The following ZNF585B variants were observed in gnomAD, a reference collection of about 807,000 sequenced individuals.
The protein encoded by ZNF585B is zinc finger protein 41-like protein.
A neutral mutation model predicts 14.0 loss-of-function variants in ZNF585B; 7 were observed. That is an observed-to-expected ratio of 0.50 (90% CI 0.28 to 0.94). The LOEUF is 0.94. Among genes scored for constraint, ZNF585B ranks in the 40% least tolerant of loss-of-function variants. ZNF585B has a pLI of 0.09. For missense variants in ZNF585B, 750 were observed against 924.4 expected, an observed-to-expected ratio of 0.81 and a Z score of 2.45; for synonymous variants, 290 against 317.3, an observed-to-expected ratio of 0.91 and a Z score of 0.91.
chr19:37,184,432 GAAA>G lies in ZNF585B; in HGVS notation c.*792_*794del, dbSNP rs1972300941. Reference sequence around the variant, plus strand: ...AGAAAGAAAGAGAAAGAAAGAAAAAGAAAGAAAGAAGGAAAGAAAGAAAGAAAG... The same window carrying G: ...AGAAAGAAAGAGAAAGAAAGAAAAAGGAAAGAAGGAAAGAAAGAAAGAAAG... On this transcript the variant is annotated 3_prime_UTR_variant, in exon 5 of 5. Transcript: ENST00000532828. 13 of 57,530 alleles carry G rather than the reference GAAA, an allele frequency of 2.3e-4. 1 individual carries two copies. Among genetic ancestry groups the G allele is most frequent in the African/African-American group, 9.4e-4 (11 of 11,706 alleles). 3.6% of individuals were successfully genotyped at this position (57,530 alleles called of 1,614,324 possible). A position where few individuals can be genotyped will look rare whatever the true frequency, so the allele number is the denominator to read the frequency against.
intron 2 of ZNF585B, chr19:37,199,355 T>G (rs1189060728): frequency 5.6e-6 from 2 of 356,852 alleles, no homozygotes; most frequent in Admixed American, 3.6e-5. Flanking sequence ...GGTGAAACTG[T>G]CTCTACAAAA....
intron 2 of ZNF585B, 25 bp from the exon 3 acceptor site, chr19:37,190,175 T>C (rs773495719): frequency 1.2e-6 from 2 of 1,614,034 alleles, no homozygotes; most frequent in South Asian, 1.1e-5. Flanking sequence ...TCCTGTTCAA[T>C]GTGCATAGTC....
rs1972360279 is a variant in ZNF585B at position 37,188,214 on chromosome 19, TG to T, written c.293-971del. Among the ~76,000 whole-genome samples, 2 of 152,182 alleles carry T rather than the reference TG, an allele frequency of 1.3e-5. 1 individual carries two copies. The highest frequency in any genetic ancestry group is 1.3e-4 in the Admixed American group (2 of 15,284). The stretch of plus-strand genomic sequence containing the variant: ...TGACAAAAACAAACAAGCCCGGGCA[TG>T]GTGCCTCATACCTGTAGTCCCAGCA... On this transcript the variant is annotated intron_variant, in intron 4 of 4. Transcript: ENST00000532828.
chr19:37,202,799 T>C (rs1391256720), intron 2 of ZNF585B, among the ~76,000 whole-genome samples: 3 of 152,026 alleles, frequency 2.0e-5, no homozygotes, highest in African/African-American at 7.2e-5. Flanking sequence ...TGTGCCACCA[T>C]GCCCAGTTAA....
In ZNF585B at chr19:37,189,699, C is replaced by T. The variant is rs767617306; in HGVS notation, c.254G>A (p.Trp85Ter). The T allele has an allele frequency of 1.5e-5, 24 of 1,613,634 alleles. No individual in the cohort carries two copies. Among genetic ancestry groups the T allele is most frequent in the Non-Finnish European group, 1.9e-5 (22 of 1,180,026 alleles). Residue 85 changes from tryptophan (W) to a stop codon, truncating the protein, a stop_gained, in exon 4 of 5, where the codon TGG (tryptophan) becomes TAG (stop). Transcript: ENST00000532828. LOFTEE classifies it low-confidence loss of function (END_TRUNC). ...ACGTGGCCTCTCACCCTGCAGTGCC[C>T]ATGGTTCCTTTCCTTGCTCCAACAT... ...VVMLEQGKEPWALQGERPRHS... is the reference protein window; with the variant it reads ...VVMLEQGKEP
intron 2 of ZNF585B, among the ~76,000 whole-genome samples, chr19:37,206,395 G>A (rs1440012562): frequency 2.0e-5 from 3 of 150,960 alleles, no homozygotes; most frequent in Non-Finnish European, 4.4e-5. Flanking sequence ...AGGTTGCAGT[G>A]AGCCGAGATC....
rs1972595867 is a variant in ZNF585B at position 37,207,202 on chromosome 19, C to G, written c.-91G>C. On this transcript the variant is annotated 5_prime_UTR_variant, in exon 2 of 5. Transcript: ENST00000532828. ...AGCAGAGCTGCTCCGAAGAGGTGGGCTGGAGTCTGGAGGAAGGTCTGGCCC... is the reference window on the plus strand; with the variant it reads ...AGCAGAGCTGCTCCGAAGAGGTGGGGTGGAGTCTGGAGGAAGGTCTGGCCC... 2 of 1,575,632 alleles carry G rather than the reference C, an allele frequency of 1.3e-6. No individual in the cohort carries two copies. Among genetic ancestry groups the G allele is most frequent in the Non-Finnish European group, 1.7e-6 (2 of 1,163,402 alleles).
chr19:37,205,527 A>C (rs900260528), intron 2 of ZNF585B, among the ~76,000 whole-genome samples: 3 of 152,228 alleles, frequency 2.0e-5, no homozygotes, highest in Non-Finnish European at 2.9e-5. Context: ...AAGAGAAAAA[A>C]ATTGTAGTTG....
intron 2 of ZNF585B, among the ~76,000 whole-genome samples, chr19:37,198,432 A>C (rs1255850770): frequency 6.6e-6 from 1 of 152,050 alleles, no homozygotes; most frequent in Non-Finnish European, 1.5e-5. Context: ...TCAGCTTCTC[A>C]AAGTGCTGGG....
At chr19:37,206,005 G>A (rs1345421270) in intron 2 of ZNF585B, among the ~76,000 whole-genome samples, 1 of 151,970 alleles carries the variant, frequency 6.6e-6, no homozygotes, top group Admixed American at 6.6e-5. Flanking sequence ...GCTTGAACCT[G>A]GATGGCAGAG....
At chr19:37,206,451 C>CAA (rs777306567) in intron 2 of ZNF585B, among the ~76,000 whole-genome samples, 3 of 83,946 alleles carry the variant, frequency 3.6e-5, no homozygotes, top group Non-Finnish European at 5.1e-5. Context: ...AACTCTGTTT[C>CAA]AAAAAAAAAA....
rs1972595685 is a variant in ZNF585B at position 37,207,182 on chromosome 19, A to G, written c.-71T>C. ...TAGTGGTCATCTGTGAACTCAGCAG[A>G]GCTGCTCCGAAGAGGTGGGCTGGAG... On this transcript the variant is annotated 5_prime_UTR_variant, in exon 2 of 5. Coordinates refer to ENST00000532828, the MANE Select transcript of ZNF585B (RefSeq NM_152279.4). 6.2e-7 allele frequency: 1 copy of G among 1,604,252 alleles called. No individual in the cohort carries two copies. The highest frequency in any genetic ancestry group is 1.3e-5 in the African/African-American group (1 of 74,820).
intron 2 of ZNF585B, among the ~76,000 whole-genome samples, chr19:37,202,735 T>G (rs1176201844): frequency 6.7e-6 from 1 of 149,242 alleles, no homozygotes; most frequent in Non-Finnish European, 1.5e-5. Flanking sequence ...CTCCGCCACC[T>G]GAGTTCAGGC....
intron 2 of ZNF585B, among the ~76,000 whole-genome samples, chr19:37,206,521 G>A (rs1972589311): frequency 6.6e-6 from 1 of 152,034 alleles, no homozygotes; most frequent in Non-Finnish European, 1.5e-5. Flanking sequence ...GTTAAAATGT[G>A]GATAGTGGTA....
intron 2 of ZNF585B, among the ~76,000 whole-genome samples, chr19:37,194,535 C>T (rs914068124): frequency 2.0e-5 from 3 of 152,090 alleles, no homozygotes; most frequent in African/African-American, 4.8e-5. Flanking sequence ...ATTGTTTGAA[C>T]CTGGGAGGTG....
At chr19:37,208,462 G>A (rs532205095) in intron 1 of ZNF585B, among the ~76,000 whole-genome samples, 92 of 152,094 alleles carry the variant, frequency 6.0e-4, no homozygotes, top group Admixed American at 1.6e-3. Context: ...AGGTATTTCT[G>A]ATTATGTTTC....
chr19:37,210,309 G>A (rs995123971), intron 1 of ZNF585B, 132 bp downstream of exon 1: 1 of 151,800 alleles, frequency 6.6e-6, no homozygotes, highest in African/African-American at 2.4e-5. Flanking sequence ...TCAATGACCC[G>A]AGAAATCCCT....
chr19:37,210,096 T>A (rs1278344375), intron 1 of ZNF585B, among the ~76,000 whole-genome samples: 2 of 152,054 alleles, frequency 1.3e-5, no homozygotes, highest in Non-Finnish European at 2.9e-5. Flanking sequence ...ATTTGAACAA[T>A]ACGAAACTGC....
chr19:37,187,894 T>A (rs998487815), intron 4 of ZNF585B, among the ~76,000 whole-genome samples: 1 of 152,072 alleles, frequency 6.6e-6, no homozygotes, highest in East Asian at 1.9e-4. Context: ...TGGATAGACA[T>A]GGAAAAAGGC....
Sources: allele counts gnomAD v4.1 joint callset (sites outside exome capture counted in the v4.1 genomes callset), GRCh38; gene constraint gnomAD v4.1.1; transcripts MANE v1.5; gene names NCBI Gene and HGNC (gene_info 2026-07-23, HGNC 2026-07-21).